Variants in GFRA2 observed in about 807,000 individuals in gnomAD.
The protein encoded by GFRA2 is GDNF family receptor alpha 2.
A neutral mutation model predicts 48.3 loss-of-function variants in GFRA2; 17 were observed. The ratio of observed to expected loss-of-function variants is 0.35; its 90% confidence interval spans 0.24 to 0.53. The LOEUF (loss-of-function observed/expected upper bound fraction) is 0.53. Among genes scored for constraint, GFRA2 ranks in the 20% least tolerant of loss-of-function variants. The probability of loss-of-function intolerance (pLI) is 0.93; values close to 1 mark genes in which losing one functional copy is unlikely to be tolerated. For missense variants in GFRA2, 660 were observed against 637.3 expected (o/e 1.04, Z -0.38); for synonymous variants, 305 against 257.2 (o/e 1.19, Z -1.78).
In GFRA2 at chr8:21,809,851, C is replaced by T. The variant is rs575805367; in HGVS notation, c.-148+2380G>A. Reference sequence around the variant, plus strand: ...GGGAGAGTTCTTTAGCTATAGAACACGGCCCAGGAAGGGAAATAGGGGAAC... The same window carrying T: ...GGGAGAGTTCTTTAGCTATAGAACATGGCCCAGGAAGGGAAATAGGGGAAC... On this transcript the variant is annotated intron_variant, in intron 1 of 10. Coordinates refer to the GFRA2 transcript ENST00000517328. Among the ~76,000 whole-genome samples, 6 of 152,232 alleles carry T rather than the reference C, an allele frequency of 3.9e-5. No homozygotes were observed. The South Asian group carries it at 8.3e-4, about 21-fold the overall frequency.
chr8:21,781,239 AGAAGCATTTTGCT>A (rs1806970528), intron 2 of GFRA2, among the ~76,000 whole-genome samples: 1 of 152,132 alleles, frequency 6.6e-6, no homozygotes, highest in Non-Finnish European at 1.5e-5. Context: ...CTGGAACCAC[AGAAGCATTTTGCT>A]GAAGCACAGA....
At chr8:21,778,218 G>A (rs200712435) in intron 2 of GFRA2, among the ~76,000 whole-genome samples, 1 of 151,952 alleles carries the variant, frequency 6.6e-6, no homozygotes, top group Non-Finnish European at 1.5e-5. Flanking sequence ...AAGGAACAGG[G>A]AGGAAGGACT....
intron 4 of GFRA2, among the ~76,000 whole-genome samples, chr8:21,708,714 G>A (rs1007458441): frequency 6.6e-6 from 1 of 152,186 alleles, no homozygotes; most frequent in Non-Finnish European, 1.5e-5. Context: ...GCAGAGATAG[G>A]AGTGATGAAG....
rs1430511824 is a variant in GFRA2, at chr8:21,788,750, C to T, written c.-591G>A. The T allele has an allele frequency of 1.0e-6, 1 of 985,544 alleles. No homozygotes were observed. The highest frequency in any genetic ancestry group is 1.2e-6 in the Non-Finnish European group (1 of 829,990). 61.0% of individuals were successfully genotyped at this position (985,544 alleles called of 1,614,324 possible). On this transcript the variant is annotated 5_prime_UTR_variant, in exon 1 of 9. Coordinates refer to ENST00000524240, the MANE Select transcript of GFRA2 (RefSeq NM_001495.5). Reference sequence around the variant, plus strand: ...AAAAATCTTCTCCCGCTAACCCTTGCTCGGCTCACTTTTTTCTAATGGAAT... The same window carrying T: ...AAAAATCTTCTCCCGCTAACCCTTGTTCGGCTCACTTTTTTCTAATGGAAT...
intron 5 of GFRA2, 41 bp downstream of exon 5, chr8:21,705,891 A>G (rs374226225): frequency 1.5e-6 from 2 of 1,356,216 alleles, no homozygotes; most frequent in African/African-American, 1.4e-5. Flanking sequence ...AGATGGGGGC[A>G]GCAAGGACCC....
chr8:21,719,786 C>T (rs1803507815), intron 4 of GFRA2, among the ~76,000 whole-genome samples: 1 of 151,958 alleles, frequency 6.6e-6, no homozygotes, highest in Non-Finnish European at 1.5e-5. Context: ...TCCCCTCCCT[C>T]CTGCTCATGA....
intron 8 of GFRA2, among the ~76,000 whole-genome samples, chr8:21,694,077 T>TTTATA (rs1802032776): frequency 2.7e-5 from 3 of 109,294 alleles, no homozygotes; most frequent in African/African-American, 6.4e-5. Flanking sequence ...TTATTTATTT[T>TTTATA]TATATATATA....
chr8:21,754,505 CT>C lies in GFRA2; in HGVS notation c.440-3564del, dbSNP rs59344047. ...CTGACCAACAATGGTCTTTTTTTTT[CT>C]TTTTTTTTTTTTTTTTTTTGAGTCA... On this transcript the variant is annotated intron_variant, in intron 3 of 8. Transcript: ENST00000524240. Among the ~76,000 whole-genome samples the C allele has an allele frequency of 9.5e-3, 1,147 of 121,228 alleles. 3 individuals are homozygous for C. Among genetic ancestry groups the C allele is most frequent in the Non-Finnish European group, 0.011 (648 of 59,006 alleles). The allele number at this position is 121,228 out of a possible 152,430, so 79.5% of individuals were successfully genotyped here.
chr8:21,805,597 G>A (rs532751306), intron 1 of GFRA2, among the ~76,000 whole-genome samples: 1 of 152,188 alleles, frequency 6.6e-6, no homozygotes, highest in Admixed American at 6.5e-5. Flanking sequence ...TCATTAATAG[G>A]GTCTGGTTAC....
At chr8:21,764,622 G>T (rs766891297) in intron 3 of GFRA2, among the ~76,000 whole-genome samples, 28 of 152,222 alleles carry the variant, frequency 1.8e-4, no homozygotes, top group Non-Finnish European at 2.9e-4. Flanking sequence ...CCTCGCCAAA[G>T]GCTGCCCTGC....
chr8:21,764,376 T>C (rs1486632530), intron 3 of GFRA2, among the ~76,000 whole-genome samples: 5 of 152,314 alleles, frequency 3.3e-5, no homozygotes, highest in African/African-American at 7.2e-5. Context: ...TCTCATGTCC[T>C]AATCACCTCC....
intron 4 of GFRA2, among the ~76,000 whole-genome samples, chr8:21,727,357 C>G (rs1333620555): frequency 1.3e-5 from 2 of 152,096 alleles, no homozygotes; most frequent in Non-Finnish European, 2.9e-5. Context: ...GCTAGGGGCT[C>G]CTCTGTGTAA....
At chr8:21,743,020 C>T (rs1285285333) in intron 4 of GFRA2, among the ~76,000 whole-genome samples, 2 of 152,184 alleles carry the variant, frequency 1.3e-5, no homozygotes, top group African/African-American at 2.4e-5. Context: ...GTGTTTATTT[C>T]CCCAGAGCCT....
At chr8:21,782,213 T>C (rs959790850) in intron 2 of GFRA2, among the ~76,000 whole-genome samples, 18 of 152,060 alleles carry the variant, frequency 1.2e-4, no homozygotes, top group African/African-American at 4.1e-4. Flanking sequence ...CCTCACCTTC[T>C]CTTGGAACCA....
upstream of GFRA2, among the ~76,000 whole-genome samples, chr8:21,792,616 A>G (rs1260362287): frequency 6.6e-6 from 1 of 152,226 alleles, no homozygotes; most frequent in African/African-American, 2.4e-5. Context: ...GGAGAAAGGA[A>G]GAGTTGGTAC....
chr8:21,783,023 G>T, intron 1 of GFRA2, 124 bp from the exon 2 acceptor site: 1 of 905,340 alleles, frequency 1.1e-6, no homozygotes, highest in Non-Finnish European at 1.7e-6. Context: ...GCACACCAAG[G>T]CGACTCTGTG....
intron 7 of GFRA2, among the ~76,000 whole-genome samples, chr8:21,698,668 A>C (rs1478757698): frequency 6.6e-6 from 1 of 151,952 alleles, no homozygotes; most frequent in Non-Finnish European, 1.5e-5. Context: ...ACCACAACTC[A>C]GTGCTGCCTG....
At chr8:21,739,913 G>A (rs1046840568) in intron 4 of GFRA2, among the ~76,000 whole-genome samples, 1 of 152,236 alleles carries the variant, frequency 6.6e-6, no homozygotes, top group African/African-American at 2.4e-5. Context: ...ACAGTGATGT[G>A]GAGAAGAGTC....
chr8:21,718,034 A>G (rs1803417209), intron 4 of GFRA2, among the ~76,000 whole-genome samples: 1 of 152,218 alleles, frequency 6.6e-6, no homozygotes, highest in Admixed American at 6.5e-5. Flanking sequence ...AGGAGGCCTT[A>G]GTTTCCTCAT....
Sources: allele counts gnomAD v4.1 joint callset (sites outside exome capture counted in the v4.1 genomes callset), GRCh38; gene constraint gnomAD v4.1.1; transcripts MANE v1.5; gene names NCBI Gene and HGNC (gene_info 2026-07-23, HGNC 2026-07-21).